SLC4A4: variants seen among roughly 807,000 people sequenced by gnomAD.
SLC4A4 encodes solute carrier family 4 member 4.
Under a neutral mutation model 111.5 loss-of-function variants are expected in SLC4A4, and 27 were observed. The observed-to-expected ratio is 0.24, with a 90% CI of 0.18 to 0.33. The LOEUF is 0.33. Ranked by LOEUF, SLC4A4 falls within the 10% of genes least tolerant of loss-of-function variation. The probability of loss-of-function intolerance (pLI) is 1.00; values close to 1 mark genes in which losing one functional copy is unlikely to be tolerated. For missense variants in SLC4A4, 909 were observed against 1,315.5 expected (o/e 0.69, Z 4.78); for synonymous variants, 443 against 463.4 (o/e 0.96, Z 0.57).
At chr4:71,069,583 C>G (rs1204572231) in intron 1 of SLC4A4, among the ~76,000 whole-genome samples, 1 of 152,146 alleles carries the variant, frequency 6.6e-6, no homozygotes, top group Non-Finnish European at 1.5e-5. Context: ...TTGCATTTCT[C>G]TCATATATTT....
intron 7 of SLC4A4, among the ~76,000 whole-genome samples, chr4:71,422,014 CA>C (rs914098826): frequency 7.9e-5 from 12 of 151,528 alleles, no homozygotes; most frequent in Non-Finnish European, 1.8e-4. Flanking sequence ...AATAGAGACA[CA>C]AAAAACCCTT....
At chr4:71,462,051 A>G (rs752798252) in intron 12 of SLC4A4, among the ~76,000 whole-genome samples, 75 of 152,208 alleles carry the variant, frequency 4.9e-4, no homozygotes, top group Admixed American at 2.9e-3. Context: ...ATCTTTTCAC[A>G]TCATTTCTTT....
At chr4:71,397,769 A>T (rs1719962938) in intron 7 of SLC4A4, 116 bp downstream of exon 7, 6 of 867,024 alleles carry the variant, frequency 6.9e-6, no homozygotes, top group Non-Finnish European at 9.7e-6. Context: ...CGTGCAGACA[A>T]CAGTTTGCAC....
intron 12 of SLC4A4, among the ~76,000 whole-genome samples, chr4:71,462,258 T>C (rs997964078): frequency 1.3e-5 from 2 of 152,130 alleles, no homozygotes; most frequent in Non-Finnish European, 2.9e-5. Context: ...GAAGTAGCTA[T>C]TGATTTTACA....
intron 6 of SLC4A4, among the ~76,000 whole-genome samples, chr4:71,397,312 G>A (rs1719910097): frequency 6.6e-6 from 1 of 152,212 alleles, no homozygotes; most frequent in South Asian, 2.1e-4. Flanking sequence ...TATTGTCTTA[G>A]AAGTTTCTTT....
At chr4:71,443,939 C>T (rs1048776943) in intron 8 of SLC4A4, among the ~76,000 whole-genome samples, 9 of 151,948 alleles carry the variant, frequency 5.9e-5, no homozygotes, top group African/African-American at 1.7e-4. Context: ...TAATATTTAC[C>T]GCATGTAATG....
chr4:71,277,706 A>C (rs982547179), intron 3 of SLC4A4, among the ~76,000 whole-genome samples: 1 of 129,442 alleles, frequency 7.7e-6, no homozygotes, highest in African/African-American at 2.9e-5. Flanking sequence ...TTTTCTGTTG[A>C]GTTTTCAGAG....
chr4:71,244,378 GC>G (rs1171988371), intron 2 of SLC4A4, among the ~76,000 whole-genome samples: 1 of 152,088 alleles, frequency 6.6e-6, no homozygotes, highest in Non-Finnish European at 1.5e-5. Flanking sequence ...CATCTTCTTA[GC>G]CACCTACTAG....
intron 2 of SLC4A4, among the ~76,000 whole-genome samples, chr4:71,127,112 A>G (rs1207901498): frequency 6.6e-6 from 1 of 152,184 alleles, no homozygotes; most frequent in African/African-American, 2.4e-5. Context: ...ACTTATATCC[A>G]TCATGCTAAC....
chr4:71,413,627 T>G (rs868497639), intron 7 of SLC4A4, among the ~76,000 whole-genome samples: 2 of 152,202 alleles, frequency 1.3e-5, no homozygotes, highest in Admixed American at 6.5e-5. Context: ...GGATGATTCT[T>G]TTAATGGTTT....
chr4:71,208,439 A>AT lies in SLC4A4; in HGVS notation c.-2+21038_-2+21039insT, dbSNP rs201319521. On this transcript the variant is annotated intron_variant, in intron 1 of 25. Coordinates refer to ENST00000264485, the MANE Select transcript of SLC4A4 (RefSeq NM_001098484.3). ...GGGTGAGACTCCGTCTCAAAAAAAAAAAAAATATATATATATATAATAAAA... is the reference window on the plus strand; with the variant it reads ...GGGTGAGACTCCGTCTCAAAAAAAAATAAAAATATATATATATATAATAAAA... Among the ~76,000 whole-genome samples the AT allele has an allele frequency of 2.6e-3, 374 of 142,094 alleles. 13 individuals are homozygous for AT. The East Asian group carries it at 0.056, about 21-fold the overall frequency. The allele number at this position is 142,094 out of a possible 152,430, so 93.2% of individuals were successfully genotyped here.
In SLC4A4 at chr4:71,503,732, A is replaced by G. The variant is rs1446059035; in HGVS notation, c.2166+6040A>G. Among the ~76,000 whole-genome samples, 16 of 152,282 alleles carry G rather than the reference A, an allele frequency of 1.1e-4. No homozygotes were observed. The East Asian group carries it at 2.3e-3, about 22-fold the overall frequency. On this transcript the variant is annotated intron_variant, in intron 16 of 25. Transcript: ENST00000264485. ...GAGATTGAAAGATTTATGTAGCACCATTATAATTCTGTGTTTGATTATGAA... is the reference window on the plus strand; with the variant it reads ...GAGATTGAAAGATTTATGTAGCACCGTTATAATTCTGTGTTTGATTATGAA...
In SLC4A4 at chr4:71,527,279, C is replaced by T. The variant is rs184671804; in HGVS notation, c.2167-4783C>T. Among the ~76,000 whole-genome samples, 59 of 152,106 alleles carry T rather than the reference C, an allele frequency of 3.9e-4. No homozygotes were observed. The East Asian group carries it at 0.011, about 28-fold the overall frequency. ...TAAACCATATGAGATAAAATGGTGG[C>T]TTAAACAGGGTGGTACTAGCAATGG... is the stretch of plus-strand genomic sequence containing the variant. On this transcript the variant is annotated intron_variant, in intron 16 of 25. Transcript: ENST00000264485.
intron 3 of SLC4A4, among the ~76,000 whole-genome samples, chr4:71,270,625 T>C (rs935978126): frequency 2.6e-5 from 4 of 152,364 alleles, no homozygotes; most frequent in African/African-American, 4.8e-5. Context: ...TACTTGGTTC[T>C]AACCCAAACT....
intron 2 of SLC4A4, among the ~76,000 whole-genome samples, chr4:71,143,975 C>G (rs1474009847): frequency 6.6e-6 from 1 of 152,142 alleles, no homozygotes; most frequent in Non-Finnish European, 1.5e-5. Flanking sequence ...TCAATGTTGG[C>G]TTTTGTTGCC....
chr4:71,428,013 C>T (rs1454814747), intron 7 of SLC4A4, among the ~76,000 whole-genome samples: 1 of 152,120 alleles, frequency 6.6e-6, no homozygotes, highest in East Asian at 1.9e-4. Flanking sequence ...CTTTAATTTT[C>T]CCATTAGAAA....
chr4:71,153,413 C>A (rs193048568), intron 2 of SLC4A4, among the ~76,000 whole-genome samples: 83 of 152,208 alleles, frequency 5.5e-4, no homozygotes, highest in African/African-American at 2.0e-3. Flanking sequence ...CAGTATTAAT[C>A]ATCACAACTG....
At chr4:71,318,810 G>GA (rs1292852397) in intron 3 of SLC4A4, among the ~76,000 whole-genome samples, 1 of 149,488 alleles carries the variant, frequency 6.7e-6, no homozygotes, top group Non-Finnish European at 1.5e-5. Flanking sequence ...TTCTTGTTCT[G>GA]AAAAATTAAG....
intron 16 of SLC4A4, among the ~76,000 whole-genome samples, chr4:71,520,636 G>T (rs972508379): frequency 1.3e-5 from 2 of 152,170 alleles, no homozygotes; most frequent in African/African-American, 2.4e-5. Flanking sequence ...AATTTAAGGA[G>T]TTTTCTGGCT....
Sources: allele counts gnomAD v4.1 joint callset (sites outside exome capture counted in the v4.1 genomes callset), GRCh38; gene constraint gnomAD v4.1.1; transcripts MANE v1.5; gene names NCBI Gene and HGNC (gene_info 2026-07-23, HGNC 2026-07-21).